Variants in ZNF475 observed in about 807,000 individuals in gnomAD.
The protein encoded by ZNF475 is zinc finger protein 475.
chr5:122,173,477 A>T, the ZNF475 span, among the ~76,000 whole-genome samples: 974 of 152,336 alleles, frequency 6.4e-3, 14 homozygotes, highest in African/African-American at 0.022. Flanking sequence ...CAATGAAGGG[A>T]TGGATGCCAG....
chr5:122,164,771 C>G, the ZNF475 span, among the ~76,000 whole-genome samples: 2 of 152,128 alleles, frequency 1.3e-5, no homozygotes, highest in Non-Finnish European at 2.9e-5. Context: ...AGTCTGAGTT[C>G]AAACATGTTA....
At chr5:122,179,081 G>A in the ZNF475 span, among the ~76,000 whole-genome samples, 1 of 152,262 alleles carries the variant, frequency 6.6e-6, no homozygotes, top group East Asian at 1.9e-4. Flanking sequence ...CCTCTGTTCT[G>A]TTCCATTGGT....
chr5:122,168,318 G>A, the ZNF475 span, among the ~76,000 whole-genome samples: 4 of 150,920 alleles, frequency 2.7e-5, no homozygotes, highest in South Asian at 2.1e-4. Flanking sequence ...GATGACAGGC[G>A]TGAGCCACTA....
At chr5:122,165,979 A>G in the ZNF475 span, among the ~76,000 whole-genome samples, 4 of 152,342 alleles carry the variant, frequency 2.6e-5, no homozygotes, top group South Asian at 8.3e-4. Context: ...GTTACAGATA[A>G]ATCCAGCAAA....
At chr5:122,160,294 G>A in the ZNF475 span, 11 of 1,288,146 alleles carry the variant, frequency 8.5e-6, no homozygotes, top group African/African-American at 1.5e-5. Context: ...TACATTGTTG[G>A]CTCCAGAAGG....
At chr5:122,174,541 T>TA in the ZNF475 span, among the ~76,000 whole-genome samples, 3 of 152,188 alleles carry the variant, frequency 2.0e-5, no homozygotes, top group African/African-American at 7.2e-5. Context: ...ACCACAAATA[T>TA]AGAGCATGGG....
chr5:122,182,286 A>G, the ZNF475 span, among the ~76,000 whole-genome samples: 1 of 152,198 alleles, frequency 6.6e-6, no homozygotes, highest in Non-Finnish European at 1.5e-5. Context: ...TGAAAGAGCG[A>G]GCAGCCCTTT....
chr5:122,162,975 G>T, the ZNF475 span: 14 of 152,276 alleles, frequency 9.2e-5, no homozygotes, highest in African/African-American at 3.4e-4. Flanking sequence ...CATGTTTCTA[G>T]AAGCAACTGG....
At chr5:122,163,180 T>A in the ZNF475 span, 1 of 152,168 alleles carries the variant, frequency 6.6e-6, no homozygotes, top group African/African-American at 2.4e-5. Flanking sequence ...GAGACCCAAC[T>A]CTCTGCAACA....
chr5:122,160,694 A>G, the ZNF475 span, among the ~76,000 whole-genome samples: 1 of 152,188 alleles, frequency 6.6e-6, no homozygotes, highest in African/African-American at 2.4e-5. Flanking sequence ...CATATTATAA[A>G]TTCAAATATT....
chr5:122,179,615 A>G, the ZNF475 span: 1 of 1,533,702 alleles, frequency 6.5e-7, no homozygotes, highest in South Asian at 1.2e-5. Context: ...ATGGAACAAA[A>G]TCTATTAGCA....
the ZNF475 span, among the ~76,000 whole-genome samples, chr5:122,171,430 G>A: frequency 6.6e-6 from 1 of 152,152 alleles, no homozygotes; most frequent in African/African-American, 2.4e-5. Context: ...TGTTTTCATA[G>A]AAGTGAGGTT....
the ZNF475 span, among the ~76,000 whole-genome samples, chr5:122,176,192 C>A: frequency 1.3e-5 from 2 of 152,156 alleles, no homozygotes; most frequent in African/African-American, 4.8e-5. Context: ...TGTTTTCTGG[C>A]TATAATTTCC....
At chr5:122,174,223 A>G in the ZNF475 span, among the ~76,000 whole-genome samples, 2 of 152,136 alleles carry the variant, frequency 1.3e-5, no homozygotes, top group Admixed American at 6.5e-5. Context: ...ATCCACTTCT[A>G]TCTGAAAAAG....
chr5:122,177,619 G>GC, the ZNF475 span, among the ~76,000 whole-genome samples: 1 of 152,086 alleles, frequency 6.6e-6, no homozygotes, highest in Admixed American at 6.5e-5. Context: ...TCTTTTAATT[G>GC]CCAAAAAGAT....
chr5:122,165,599 T>C, the ZNF475 span, among the ~76,000 whole-genome samples: 2 of 152,152 alleles, frequency 1.3e-5, no homozygotes, highest in Non-Finnish European at 2.9e-5. Context: ...TTACAGGGGC[T>C]ATTTCCCTTG....
the ZNF475 span, among the ~76,000 whole-genome samples, chr5:122,174,219 T>C: frequency 6.6e-6 from 1 of 152,158 alleles, no homozygotes; most frequent in Non-Finnish European, 1.5e-5. Context: ...ACATATCCAC[T>C]TCTATCTGAA....
At chr5:122,181,380 A>T in the ZNF475 span, among the ~76,000 whole-genome samples, 1 of 152,200 alleles carries the variant, frequency 6.6e-6, no homozygotes, top group African/African-American at 2.4e-5. Context: ...TAAAACTCGC[A>T]TGAGTAACGA....
the ZNF475 span, among the ~76,000 whole-genome samples, chr5:122,171,927 T>G: frequency 1.3e-5 from 2 of 152,042 alleles, no homozygotes; most frequent in Non-Finnish European, 2.9e-5. Context: ...TTTGTAGAGA[T>G]GGGGTCTCAC....
Sources: allele counts gnomAD v4.1 joint callset (sites outside exome capture counted in the v4.1 genomes callset), GRCh38; gene constraint gnomAD v4.1.1; transcripts MANE v1.5; gene names NCBI Gene and HGNC (gene_info 2026-07-23, HGNC 2026-07-21).